Variants in WASF3 observed in about 807,000 individuals in gnomAD.
WASF3 encodes the protein WASP family member 3, also known as actin-binding protein WASF3.
Under a neutral mutation model 46.6 loss-of-function variants are expected in WASF3, and 11 were observed. The observed-to-expected ratio is 0.24, with a 90% CI of 0.15 to 0.39. WASF3 has a LOEUF of 0.39. Among genes scored for constraint, WASF3 ranks in the 10% least tolerant of loss-of-function variants. The probability of loss-of-function intolerance (pLI) is 1.00; values close to 1 mark genes in which losing one functional copy is unlikely to be tolerated. For synonymous variants in WASF3, 242 were observed against 259.7 expected (o/e 0.93, Z 0.65); for missense variants, 576 against 669.8 (o/e 0.86, Z 1.55).
intron 3 of WASF3, among the ~76,000 whole-genome samples, chr13:26,663,985 G>C (rs977629651): frequency 6.6e-6 from 1 of 152,106 alleles, no homozygotes; most frequent in Non-Finnish European, 1.5e-5. Context: ...TTTACCTCCC[G>C]GGCTCACTTA....
chr13:26,569,819 A>G (rs1185602123), intron 1 of WASF3, among the ~76,000 whole-genome samples: 1 of 150,534 alleles, frequency 6.6e-6, no homozygotes, highest in Non-Finnish European at 1.5e-5. Context: ...ATAAATTAAA[A>G]TAAAAGACGG....
At chr13:26,676,116 G>A (rs1183643501) in intron 6 of WASF3, among the ~76,000 whole-genome samples, 1 of 152,190 alleles carries the variant, frequency 6.6e-6, no homozygotes, top group Non-Finnish European at 1.5e-5. Flanking sequence ...GGAACAGAAT[G>A]TTTTGAATTA....
At chr13:26,575,271 T>G (rs534712232) in intron 1 of WASF3, among the ~76,000 whole-genome samples, 2 of 152,306 alleles carry the variant, frequency 1.3e-5, no homozygotes, top group Admixed American at 6.5e-5. Context: ...TTCTCTTCCC[T>G]TTCCTCCCAT....
At chr13:26,591,458 A>T (rs947215492) in intron 1 of WASF3, among the ~76,000 whole-genome samples, 1 of 152,058 alleles carries the variant, frequency 6.6e-6, no homozygotes, top group African/African-American at 2.4e-5. Context: ...AGGTGGAAAC[A>T]CTAGTAGGAT....
chr13:26,681,346 ATC>A, intron 8 of WASF3, 26 bp downstream of exon 8: 1 of 1,540,040 alleles, frequency 6.5e-7, no homozygotes. Context: ...TTGTACCCTA[ATC>A]CCTCCTGGCC....
intron 1 of WASF3, chr13:26,577,363 G>A (rs1168337435): frequency 2.6e-6 from 2 of 766,600 alleles, no homozygotes; most frequent in Admixed American, 1.7e-5. Flanking sequence ...AGCACCAACA[G>A]GTCCGCCAAA....
chr13:26,569,132 A>T (rs1879558515), intron 1 of WASF3, among the ~76,000 whole-genome samples: 1 of 152,216 alleles, frequency 6.6e-6, no homozygotes, highest in African/African-American at 2.4e-5. Context: ...TTATCATAAT[A>T]TTGGTTTAAA....
chr13:26,666,936 A>T (rs568776399), intron 4 of WASF3, among the ~76,000 whole-genome samples: 1 of 152,078 alleles, frequency 6.6e-6, no homozygotes, highest in African/African-American at 2.4e-5. Flanking sequence ...CAAGCACAAG[A>T]AAGAACTTTA....
At chr13:26,560,071 G>A (rs554532520) in intron 1 of WASF3, among the ~76,000 whole-genome samples, 2 of 151,864 alleles carry the variant, frequency 1.3e-5, no homozygotes, top group South Asian at 2.1e-4. Flanking sequence ...CGCCCACCTC[G>A]GCCTCCCAAA....
chr13:26,646,772 C>A (rs1417865051), intron 3 of WASF3, among the ~76,000 whole-genome samples: 1 of 152,144 alleles, frequency 6.6e-6, no homozygotes, highest in African/African-American at 2.4e-5. Flanking sequence ...TGTGAAAACC[C>A]AGGGCAACTA....
chr13:26,623,946 C>A lies in WASF3; in HGVS notation c.-11+10888C>A, dbSNP rs201453329. 2.0e-5 allele frequency among the ~76,000 whole-genome samples: 3 copies of A among 152,212 alleles called. No individual in the cohort carries two copies. The East Asian group carries it at 5.8e-4, about 29-fold the overall frequency. ...ATCAGATAACAATAGCAGCCATCTC[C>A]CTCAAACCCTGACTAGGTTGACTCA... On this transcript the variant is annotated intron_variant, in intron 2 of 9. Transcript: ENST00000335327.
In WASF3 at chr13:26,682,166, G is replaced by C. The variant is rs1005443279; in HGVS notation, c.984-441G>C. Among the ~76,000 whole-genome samples the C allele has an allele frequency of 1.3e-5, 2 of 152,186 alleles. No individual in the cohort carries two copies. The highest frequency in any genetic ancestry group is 4.8e-5 in the African/African-American group (2 of 41,442). Reference sequence around the variant, plus strand: ...TTTTCGAAGCTTTTGATACACACCTGGGCACTGCAGGCATGGGGCATTTCC... The same window carrying C: ...TTTTCGAAGCTTTTGATACACACCTCGGCACTGCAGGCATGGGGCATTTCC... On this transcript the variant is annotated intron_variant, in intron 8 of 9. Coordinates refer to ENST00000335327, the MANE Select transcript of WASF3 (RefSeq NM_006646.6). The surrounding 1 kb of genome is among the most constrained non-coding windows in gnomAD (Gnocchi z 4.4).
At chr13:26,685,317 A>G (rs916829756) in intron 9 of WASF3, among the ~76,000 whole-genome samples, 1 of 152,178 alleles carries the variant, frequency 6.6e-6, no homozygotes, top group Admixed American at 6.5e-5. Flanking sequence ...GAAATGCTCC[A>G]GCCTGCAGCG....
intron 1 of WASF3, among the ~76,000 whole-genome samples, chr13:26,571,671 C>T (rs1438770765): frequency 6.6e-6 from 1 of 152,206 alleles, no homozygotes; most frequent in East Asian, 1.9e-4. Context: ...ATTTCTCCCT[C>T]TTAGCTCCTC....
At chr13:26,628,117 G>A (rs1881529251) in intron 2 of WASF3, among the ~76,000 whole-genome samples, 2 of 151,954 alleles carry the variant, frequency 1.3e-5, no homozygotes, top group Admixed American at 1.3e-4. Context: ...ATAAATGCTG[G>A]GATGTTCAAA....
At chr13:26,670,055 A>G (rs1882885491) in intron 5 of WASF3, among the ~76,000 whole-genome samples, 1 of 152,180 alleles carries the variant, frequency 6.6e-6, no homozygotes. Context: ...ACACATGCAC[A>G]CGTATGTTTA....
At chr13:26,618,475 C>A (rs574999900) in intron 2 of WASF3, among the ~76,000 whole-genome samples, 3 of 151,636 alleles carry the variant, frequency 2.0e-5, no homozygotes, top group African/African-American at 7.3e-5. Context: ...TCTCTCTCTC[C>A]CCACCGTCTC....
chr13:26,610,014 G>A (rs1178598093), intron 1 of WASF3, among the ~76,000 whole-genome samples: 1 of 152,144 alleles, frequency 6.6e-6, no homozygotes, highest in Non-Finnish European at 1.5e-5. Flanking sequence ...CACATTTCAA[G>A]CTGGATCCAT....
chr13:26,665,062 T>G lies in WASF3; in HGVS notation c.168T>G (p.Phe56Leu). 1.9e-6 allele frequency: 3 copies of G among 1,614,162 alleles called. No homozygotes were observed. The highest frequency in any genetic ancestry group is 1.7e-6 in the Non-Finnish European group (2 of 1,179,976). The change falls in exon 4 of 10, where the codon TTT becomes TTG. Residue 56 changes from phenylalanine to leucine, a missense_variant. By Grantham distance (22) the Phe-to-Leu change is conservative. Coordinates refer to ENST00000335327, the MANE Select transcript of WASF3 (RefSeq NM_006646.6). Reference protein sequence around the residue: ...KHAEDIFGELFNEANNFYIRA... With the variant: ...KHAEDIFGELLNEANNFYIRA... ...CTGAAGACATATTTGGTGAGTTGTT[T>G]AATGAGGCTAACAACTTCTACATCA...
Sources: allele counts gnomAD v4.1 joint callset (sites outside exome capture counted in the v4.1 genomes callset), GRCh38; gene constraint gnomAD v4.1.1; non-coding constraint Gnocchi (gnomAD v3.1); transcripts MANE v1.5; gene names NCBI Gene and HGNC (gene_info 2026-07-23, HGNC 2026-07-21).